Variants in LRP1B observed in about 807,000 individuals in gnomAD.
LRP1B encodes the protein LDL receptor related protein 1B.
In LRP1B, 217 loss-of-function variants were observed where a neutral mutation model predicts 556.6. The ratio of observed to expected loss-of-function variants is 0.39; its 90% CI spans 0.35 to 0.44. The LOEUF (loss-of-function observed/expected upper bound fraction) is 0.44, where lower values mean the gene tolerates loss of function less well. LRP1B is among the 20% of genes least tolerant of loss of function. The probability of loss-of-function intolerance (pLI) is 1.00; values close to 1 mark genes in which losing one functional copy is unlikely to be tolerated. For synonymous variants in LRP1B, 2,047 were observed against 1,865.8 expected (o/e 1.10, Z -2.50); for missense variants, 5,053 against 5,620.8 (o/e 0.90, Z 3.23).
intron 2 of LRP1B, among the ~76,000 whole-genome samples, chr2:141,512,129 T>C (rs1416892295): frequency 2.6e-5 from 4 of 152,192 alleles, no homozygotes; most frequent in Admixed American, 2.6e-4. Context: ...CATCAACATA[T>C]ACCCTACCCT....
At chr2:140,655,442 C>T (rs1684844733) in intron 41 of LRP1B, among the ~76,000 whole-genome samples, 1 of 152,122 alleles carries the variant, frequency 6.6e-6, no homozygotes, top group South Asian at 2.1e-4. Context: ...TGGAATCTCA[C>T]TTGCAAGTAA....
chr2:141,894,155 G>A (rs529663715), intron 1 of LRP1B, among the ~76,000 whole-genome samples: 8 of 152,102 alleles, frequency 5.3e-5, no homozygotes, highest in African/African-American at 1.7e-4. Context: ...AATGCATCTT[G>A]ATTAAAGAAG....
chr2:140,726,952 T>G (rs1040929247), intron 35 of LRP1B, among the ~76,000 whole-genome samples: 2 of 152,098 alleles, frequency 1.3e-5, no homozygotes, highest in African/African-American at 4.8e-5. Context: ...TCAAATCATA[T>G]AGACAAGGGA....
chr2:141,885,857 G>T (rs1012056636), intron 1 of LRP1B, among the ~76,000 whole-genome samples: 1 of 152,188 alleles, frequency 6.6e-6, no homozygotes, highest in Non-Finnish European at 1.5e-5. Context: ...TAAGGATATG[G>T]CTACATGTTC....
intron 2 of LRP1B, among the ~76,000 whole-genome samples, chr2:141,607,445 G>A (rs966976445): frequency 1.3e-5 from 2 of 152,070 alleles, no homozygotes; most frequent in Non-Finnish European, 2.9e-5. Flanking sequence ...TAGTAGTCAT[G>A]CACTATCTCT....
intron 2 of LRP1B, among the ~76,000 whole-genome samples, chr2:141,563,403 A>C (rs962117934): frequency 2.6e-5 from 4 of 152,178 alleles, no homozygotes; most frequent in Non-Finnish European, 5.9e-5. Flanking sequence ...CAGAACCTCC[A>C]AGTACACTCC....
intron 11 of LRP1B, among the ~76,000 whole-genome samples, chr2:141,046,845 G>T (rs564000872): frequency 2.6e-5 from 4 of 152,230 alleles, no homozygotes; most frequent in African/African-American, 9.6e-5. Context: ...TCTTTGGGAA[G>T]CTGAGGCAGG....
intron 1 of LRP1B, among the ~76,000 whole-genome samples, chr2:141,884,225 T>TAAAAA (rs1699041498): frequency 1.6e-5 from 1 of 63,154 alleles, no homozygotes; most frequent in Non-Finnish European, 4.5e-5. Context: ...AAAATAAAAA[T>TAAAAA]AATAGCCAGG....
chr2:140,981,929 A>T (rs1318145615), intron 18 of LRP1B, among the ~76,000 whole-genome samples: 1 of 152,186 alleles, frequency 6.6e-6, no homozygotes, highest in Non-Finnish European at 1.5e-5. Flanking sequence ...GCAATGTTTA[A>T]ATCCATTTAT....
chr2:142,106,510 A>G (rs1706750707), intron 1 of LRP1B, among the ~76,000 whole-genome samples: 1 of 152,194 alleles, frequency 6.6e-6, no homozygotes, highest in Non-Finnish European at 1.5e-5. Flanking sequence ...AAAAAGCCTG[A>G]ACACAAACCT....
chr2:141,031,276 CACACATACAT>C (rs1434313007), intron 11 of LRP1B, among the ~76,000 whole-genome samples: 11 of 94,070 alleles, frequency 1.2e-4, no homozygotes, highest in Admixed American at 3.3e-4. Flanking sequence ...CACACACACA[CACACATACAT>C]ACATATATAT....
At chr2:140,350,755 GA>G (rs763346663) in intron 77 of LRP1B, 41 bp downstream of exon 77, 4 of 1,569,642 alleles carry the variant, frequency 2.5e-6, no homozygotes, top group Non-Finnish European at 1.7e-6. Flanking sequence ...AGCAGGTGGG[GA>G]AAAGGTATGG....
chr2:142,047,530 T>A (rs569820480), intron 1 of LRP1B, among the ~76,000 whole-genome samples: 2 of 152,106 alleles, frequency 1.3e-5, no homozygotes, highest in South Asian at 4.1e-4. Context: ...TTATGTTTTT[T>A]TTTTAAAGAT....
At chr2:141,905,944 TTGTG>T (rs1348419339) in intron 1 of LRP1B, among the ~76,000 whole-genome samples, 4 of 147,894 alleles carry the variant, frequency 2.7e-5, no homozygotes, top group African/African-American at 1.0e-4. Context: ...GATAAGAAAT[TTGTG>T]TGTGTCTCTG....
intron 3 of LRP1B, among the ~76,000 whole-genome samples, chr2:141,463,635 TATA>T: frequency 7.9e-6 from 1 of 126,774 alleles, no homozygotes; most frequent in African/African-American, 3.0e-5. Context: ...TATATTATTA[TATA>T]TTATATATTA....
intron 2 of LRP1B, among the ~76,000 whole-genome samples, chr2:141,732,226 G>T (rs140376174): frequency 5.9e-5 from 9 of 152,098 alleles, no homozygotes; most frequent in South Asian, 2.1e-4. Flanking sequence ...TAGCTACAAC[G>T]TTGGGGAATT....
chr2:140,524,835 T>G (rs1690359934), intron 49 of LRP1B, among the ~76,000 whole-genome samples: 1 of 151,692 alleles, frequency 6.6e-6, no homozygotes, highest in Non-Finnish European at 1.5e-5. Context: ...GAAAAACTAT[T>G]AGGTACCATG....
intron 1 of LRP1B, among the ~76,000 whole-genome samples, chr2:141,924,615 A>G (rs1700286042): frequency 6.6e-6 from 1 of 152,148 alleles, no homozygotes; most frequent in Admixed American, 6.5e-5. Flanking sequence ...CTGGAGCTCA[A>G]AACACGCGCC....
intron 7 of LRP1B, among the ~76,000 whole-genome samples, chr2:141,078,864 T>C (rs1242920402): frequency 6.6e-6 from 1 of 152,018 alleles, no homozygotes; most frequent in Non-Finnish European, 1.5e-5. Flanking sequence ...AAACTCTGAG[T>C]TAATGTTGCC....
Sources: gnomAD v4.1 joint callset for allele counts (sites outside exome capture counted in the v4.1 genomes callset) on GRCh38, gnomAD v4.1.1 for gene constraint, MANE v1.5 for transcripts, NCBI Gene and HGNC (gene_info 2026-07-23, HGNC 2026-07-21) for gene names.